The following FGF14 variants were observed in gnomAD, a reference collection of about 807,000 sequenced individuals.
FGF14 encodes the protein fibroblast growth factor 14.
In FGF14, 5 loss-of-function variants were observed where a neutral mutation model predicts 25.5. The ratio of observed to expected loss-of-function variants is 0.20; its 90% CI spans 0.10 to 0.41. The LOEUF (loss-of-function observed/expected upper bound fraction) is 0.41, where lower values mean the gene tolerates loss of function less well. Among genes scored for constraint, FGF14 ranks in the 10% least tolerant of loss-of-function variants. The pLI is 1.00. For missense variants in FGF14, 222 were observed against 320.1 expected, an observed-to-expected ratio of 0.69 and a Z score of 2.34; for synonymous variants, 138 against 118.3, an observed-to-expected ratio of 1.17 and a Z score of -1.08.
rs368008172 is a variant in FGF14, at chr13:101,787,977, T to G, written c.409-61167A>C. Reference sequence around the variant, plus strand: ...ACCTCCGCCTCCCAGGTTCAAGTGATTCTCCGGCCTCAGCCTCCCGAGTAG... The same window carrying G: ...ACCTCCGCCTCCCAGGTTCAAGTGAGTCTCCGGCCTCAGCCTCCCGAGTAG... On this transcript the variant is annotated intron_variant, in intron 3 of 4. Transcript: ENST00000376143. Among the ~76,000 whole-genome samples the G allele has an allele frequency of 2.2e-4, 33 of 152,336 alleles. 3 individuals carry two copies. The East Asian group carries it at 5.4e-3, about 25-fold the overall frequency.
intron 1 of FGF14, among the ~76,000 whole-genome samples, chr13:102,285,576 A>G (rs1385844666): frequency 6.6e-6 from 1 of 152,210 alleles, no homozygotes; most frequent in Non-Finnish European, 1.5e-5. Context: ...CTACATTCCA[A>G]CATTTCTAAT....
intron 1 of FGF14, chr13:102,292,267 A>T (rs2054447396): frequency 8.1e-6 from 1 of 123,760 alleles, no homozygotes; most frequent in Non-Finnish European, 1.6e-5. Context: ...TTCCTACCTT[A>T]TACTCTATAG....
chr13:101,810,477 T>C (rs748850529), intron 3 of FGF14, among the ~76,000 whole-genome samples: 1 of 152,212 alleles, frequency 6.6e-6, no homozygotes, highest in Non-Finnish European at 1.5e-5. Context: ...AGATGAAGCC[T>C]GCTTAGTGGG....
At chr13:101,853,334 G>A (rs930361107) in intron 3 of FGF14, among the ~76,000 whole-genome samples, 1 of 152,076 alleles carries the variant, frequency 6.6e-6, no homozygotes, top group African/African-American at 2.4e-5. Flanking sequence ...ACTGAAAGAA[G>A]CAACTTTGAC....
At chr13:102,149,918 G>A (rs2047009568) in intron 1 of FGF14, among the ~76,000 whole-genome samples, 1 of 152,190 alleles carries the variant, frequency 6.6e-6, no homozygotes, top group East Asian at 1.9e-4. Flanking sequence ...ACTTAGCTAT[G>A]ACAGCACAGT....
intron 1 of FGF14, among the ~76,000 whole-genome samples, chr13:102,270,139 C>T (rs1378856715): frequency 6.6e-6 from 1 of 151,942 alleles, no homozygotes; most frequent in African/African-American, 2.4e-5. Context: ...AAAAGTATTA[C>T]ATGCTGCTTC....
intron 1 of FGF14, among the ~76,000 whole-genome samples, chr13:101,907,947 G>C (rs1402707273): frequency 6.6e-6 from 1 of 152,082 alleles, no homozygotes; most frequent in Non-Finnish European, 1.5e-5. Flanking sequence ...ATAAAAAGAG[G>C]AGTAAATGGA....
intron 1 of FGF14, among the ~76,000 whole-genome samples, chr13:102,132,078 CAG>C (rs982196199): frequency 9.9e-5 from 15 of 152,170 alleles, no homozygotes; most frequent in African/African-American, 3.6e-4. Context: ...CTGAATATCC[CAG>C]AGATATTCTC....
At chr13:101,810,507 A>G (rs532649338) in intron 3 of FGF14, among the ~76,000 whole-genome samples, 58 of 152,278 alleles carry the variant, frequency 3.8e-4, no homozygotes, top group African/African-American at 1.2e-3. Flanking sequence ...GCTGACGACC[A>G]TATCACTGCT....
intron 1 of FGF14, among the ~76,000 whole-genome samples, chr13:102,151,760 C>A (rs570309516): frequency 6.6e-5 from 10 of 152,030 alleles, no homozygotes; most frequent in Non-Finnish European, 1.5e-4. Flanking sequence ...AGCCTCCCAA[C>A]GTACTAGGAT....
intron 2 of FGF14, among the ~76,000 whole-genome samples, chr13:101,870,298 C>G (rs979071827): frequency 6.6e-6 from 1 of 151,950 alleles, no homozygotes; most frequent in Non-Finnish European, 1.5e-5. Flanking sequence ...TTTAGAACAC[C>G]TGAACTGTAC....
chr13:101,926,983 AG>A (rs1776729501), intron 1 of FGF14, among the ~76,000 whole-genome samples: 1 of 152,216 alleles, frequency 6.6e-6, no homozygotes. Flanking sequence ...CTCAGGAAAA[AG>A]AATTATTTCA....
At chr13:102,161,649 G>GAAGAAGA (rs2047733018) in intron 1 of FGF14, among the ~76,000 whole-genome samples, 2 of 14,962 alleles carry the variant, frequency 1.3e-4, no homozygotes, top group African/African-American at 2.2e-4. Context: ...AGAAGAAGAA[G>GAAGAAGA]AAGAAGAAGA....
chr13:102,124,707 C>A (rs547646433), intron 1 of FGF14, among the ~76,000 whole-genome samples: 1 of 152,182 alleles, frequency 6.6e-6, no homozygotes, highest in African/African-American at 2.4e-5. Context: ...TTTTAATGAT[C>A]TGAGGCTTCC....
intron 1 of FGF14, among the ~76,000 whole-genome samples, chr13:101,894,828 T>C (rs1005768998): frequency 1.1e-4 from 16 of 152,190 alleles, no homozygotes; most frequent in African/African-American, 3.9e-4. Flanking sequence ...ATATTGTTGC[T>C]CTTTATTAGT....
At chr13:102,060,399 G>A (rs921066060) in intron 1 of FGF14, among the ~76,000 whole-genome samples, 2 of 152,126 alleles carry the variant, frequency 1.3e-5, no homozygotes, top group Admixed American at 6.5e-5. Flanking sequence ...GGTGGCGGGC[G>A]CCTGTAGTCC....
At chr13:101,968,573 T>A (rs1011535934) in intron 1 of FGF14, among the ~76,000 whole-genome samples, 1 of 147,198 alleles carries the variant, frequency 6.8e-6, no homozygotes, top group African/African-American at 2.5e-5. Flanking sequence ...CTCGGGAGGC[T>A]GAGGCAGGAG....
At chr13:102,070,473 G>T (rs2043110324) in intron 1 of FGF14, among the ~76,000 whole-genome samples, 1 of 152,110 alleles carries the variant, frequency 6.6e-6, no homozygotes, top group Non-Finnish European at 1.5e-5. Context: ...ACAGTTTGGA[G>T]GTTCCTCAAA....
chr13:102,005,401 T>A (rs2039730188), intron 1 of FGF14, among the ~76,000 whole-genome samples: 1 of 152,216 alleles, frequency 6.6e-6, no homozygotes, highest in African/African-American at 2.4e-5. Context: ...ACAAAACATT[T>A]AATGTGCACT....
Sources: allele counts gnomAD v4.1 joint callset (sites outside exome capture counted in the v4.1 genomes callset), GRCh38; gene constraint gnomAD v4.1.1; transcripts MANE v1.5; gene names NCBI Gene and HGNC (gene_info 2026-07-23, HGNC 2026-07-21).